Variants in KCNQ3 observed in about 807,000 individuals in gnomAD.
The protein encoded by KCNQ3 is potassium voltage-gated channel subfamily Q member 3, also known as potassium voltage-gated channel subfamily KQT member 3.
KCNQ3 carries 30 observed loss-of-function variants against 92.5 expected under a neutral mutation model. The ratio of observed to expected loss-of-function variants is 0.32; its 90% CI spans 0.24 to 0.44. The LOEUF (loss-of-function observed/expected upper bound fraction) is 0.44, where lower values mean the gene tolerates loss of function less well. Ranked by LOEUF, KCNQ3 falls within the 20% of genes least tolerant of loss-of-function variation. The pLI is 1.00. For missense variants in KCNQ3, 913 were observed against 1,140.3 expected (o/e 0.80, Z 2.87); for synonymous variants, 450 against 468.8 (o/e 0.96, Z 0.52).
At chr8:132,463,108 T>C (rs979491838) in intron 1 of KCNQ3, among the ~76,000 whole-genome samples, 4 of 152,238 alleles carry the variant, frequency 2.6e-5, no homozygotes, top group African/African-American at 9.6e-5. Context: ...GCCCACAACA[T>C]GTTCACATCT....
intron 1 of KCNQ3, among the ~76,000 whole-genome samples, chr8:132,225,638 A>G (rs1054656554): frequency 6.6e-6 from 1 of 152,218 alleles, no homozygotes; most frequent in African/African-American, 2.4e-5. Context: ...AATTTCAGTC[A>G]CTTCACATGG....
In KCNQ3 at chr8:132,174,233, A is replaced by G. The variant is rs1276937898; in HGVS notation, c.1044+6T>C. ...ATTGGGGATGTCATATATCAAAGGT[A>G]CTTACCGCTGGAAGGGCAAAAAAGG... On this transcript the variant is annotated splice_donor_region_variant and intron_variant, in intron 6 of 14. Transcript: ENST00000388996. 5.8e-6 allele frequency: 9 copies of G among 1,546,918 alleles called. No homozygotes were observed. Among genetic ancestry groups the G allele is most frequent in the Non-Finnish European group, 7.9e-6 (9 of 1,143,478 alleles).
At chr8:132,396,699 G>T (rs562388618) in intron 1 of KCNQ3, among the ~76,000 whole-genome samples, 37 of 151,930 alleles carry the variant, frequency 2.4e-4, no homozygotes, top group Non-Finnish European at 4.9e-4. Flanking sequence ...ACAAACCCAG[G>T]GACTGCTCTG....
At chr8:132,257,472 G>A (rs185954856) in intron 1 of KCNQ3, among the ~76,000 whole-genome samples, 9 of 152,152 alleles carry the variant, frequency 5.9e-5, no homozygotes, top group Admixed American at 2.6e-4. Context: ...TAGGCCGGGC[G>A]CGGTGGCTCA....
intron 1 of KCNQ3, among the ~76,000 whole-genome samples, chr8:132,354,891 T>C (rs1477063684): frequency 6.6e-6 from 1 of 152,150 alleles, no homozygotes; most frequent in Non-Finnish European, 1.5e-5. Flanking sequence ...ATACAGCCAC[T>C]GGTTCTGGGG....
chr8:132,301,670 A>C (rs982704254), intron 1 of KCNQ3, among the ~76,000 whole-genome samples: 6 of 152,148 alleles, frequency 3.9e-5, no homozygotes, highest in Non-Finnish European at 8.8e-5. Flanking sequence ...AAGGAACCTA[A>C]GATGATCCCC....
intron 14 of KCNQ3, among the ~76,000 whole-genome samples, chr8:132,130,781 C>T (rs1824854883): frequency 6.6e-6 from 1 of 152,214 alleles, no homozygotes; most frequent in African/African-American, 2.4e-5. Context: ...GAACTGAAGA[C>T]CCTACCTAGC....
intron 8 of KCNQ3, 123 bp from the exon 9 acceptor site, chr8:132,163,617 G>C: frequency 2.3e-6 from 2 of 873,578 alleles, no homozygotes; most frequent in South Asian, 2.8e-5. Flanking sequence ...CTCTAGGACA[G>C]GATGGTCAGT....
At chr8:132,268,936 G>A (rs1816070830) in intron 1 of KCNQ3, among the ~76,000 whole-genome samples, 1 of 152,150 alleles carries the variant, frequency 6.6e-6, no homozygotes, top group East Asian at 1.9e-4. Flanking sequence ...AGTGTGTAGT[G>A]GCATTTTATT....
intron 1 of KCNQ3, among the ~76,000 whole-genome samples, chr8:132,468,086 T>A (rs2075189405): frequency 6.6e-6 from 1 of 152,218 alleles, no homozygotes; most frequent in South Asian, 2.1e-4. Context: ...ATCCCACAAA[T>A]TGCTGCAAAG....
At chr8:132,163,562 G>C in intron 8 of KCNQ3, 68 bp from the exon 9 acceptor site, 2 of 1,284,718 alleles carry the variant, frequency 1.6e-6, no homozygotes, top group South Asian at 2.4e-5. Flanking sequence ...TTCCTCGAAA[G>C]ATTGCTGCAA....
chr8:132,396,990 G>A (rs1255657428), intron 1 of KCNQ3, among the ~76,000 whole-genome samples: 2 of 151,822 alleles, frequency 1.3e-5, no homozygotes, highest in African/African-American at 2.4e-5. Context: ...GAAAGAGAGA[G>A]AGAGAGAGAG....
chr8:132,436,898 G>T (rs1311343839), intron 1 of KCNQ3, among the ~76,000 whole-genome samples: 2 of 152,122 alleles, frequency 1.3e-5, no homozygotes, highest in Non-Finnish European at 2.9e-5. Context: ...GGCAGCCCAG[G>T]TGTCTCTTGT....
At chr8:132,448,020 T>G (rs1422512870) in intron 1 of KCNQ3, among the ~76,000 whole-genome samples, 1 of 152,168 alleles carries the variant, frequency 6.6e-6, no homozygotes. Context: ...TTGTGAGGAT[T>G]GAAAGAGCAC....
intron 1 of KCNQ3, among the ~76,000 whole-genome samples, chr8:132,276,421 A>T (rs1816332466): frequency 6.6e-6 from 1 of 152,092 alleles, no homozygotes; most frequent in African/African-American, 2.4e-5. Flanking sequence ...CTCTGTTCCT[A>T]ACCAGGGAAC....
At chr8:132,314,257 CCAA>C (rs778463029) in intron 1 of KCNQ3, among the ~76,000 whole-genome samples, 1 of 152,010 alleles carries the variant, frequency 6.6e-6, no homozygotes, top group Admixed American at 6.6e-5. Flanking sequence ...TATTAACAAA[CCAA>C]CAACAACAAT....
At chr8:132,374,727 T>A (rs1239372851) in intron 1 of KCNQ3, among the ~76,000 whole-genome samples, 1 of 152,202 alleles carries the variant, frequency 6.6e-6, no homozygotes, top group Non-Finnish European at 1.5e-5. Flanking sequence ...CCTCTGTGCA[T>A]CCACGTTTTC....
In KCNQ3 at chr8:132,396,869, T is replaced by C. The variant is rs137860055; in HGVS notation, c.386+83278A>G. Among the ~76,000 whole-genome samples the C allele has an allele frequency of 1.2e-3, 175 of 151,954 alleles. 1 individual carries two copies. The highest frequency in any genetic ancestry group is 4.1e-3 in the African/African-American group (171 of 41,446). On this transcript the variant is annotated intron_variant, in intron 1 of 14. Transcript: ENST00000388996. ...TGTTAGCTAGTGAAGTGGTCCTAAG[T>C]AGTTGGAGGGATCTTGCCAGAGGTG...
chr8:132,287,963 T>A (rs892122089), intron 1 of KCNQ3, among the ~76,000 whole-genome samples: 2 of 152,200 alleles, frequency 1.3e-5, no homozygotes, highest in South Asian at 2.1e-4. Context: ...TTTAAAAAAA[T>A]TGACAAAGTC....
Sources: allele counts gnomAD v4.1 joint callset (sites outside exome capture counted in the v4.1 genomes callset), GRCh38; gene constraint gnomAD v4.1.1; transcripts MANE v1.5; gene names NCBI Gene and HGNC (gene_info 2026-07-23, HGNC 2026-07-21).